Variants in GRIA4 observed in about 807,000 individuals in gnomAD.
GRIA4 encodes the protein glutamate receptor 4.
Under a neutral mutation model 104.0 loss-of-function variants are expected in GRIA4, and 34 were observed. That is an observed-to-expected ratio of 0.33 (90% CI 0.25 to 0.44). The LOEUF (loss-of-function observed/expected upper bound fraction) is 0.44, where lower values mean the gene tolerates loss of function less well. Ranked by LOEUF, GRIA4 falls within the 20% of genes least tolerant of loss-of-function variation. GRIA4 has a pLI of 1.00. For missense variants in GRIA4, 750 were observed against 1,096.5 expected, an observed-to-expected ratio of 0.68 and a Z score of 4.46; for synonymous variants, 386 against 381.9, an observed-to-expected ratio of 1.01 and a Z score of -0.13.
intron 4 of GRIA4, among the ~76,000 whole-genome samples, chr11:105,789,864 A>T (rs1326546647): frequency 6.6e-6 from 1 of 152,134 alleles, no homozygotes; most frequent in Non-Finnish European, 1.5e-5. Context: ...GCACCAAAAA[A>T]ATTGCTAAGT....
At chr11:105,868,379 C>A (rs1279499013) in intron 5 of GRIA4, among the ~76,000 whole-genome samples, 1 of 152,126 alleles carries the variant, frequency 6.6e-6, no homozygotes, top group African/African-American at 2.4e-5. Context: ...ATGTAGATTC[C>A]TTGCATTACA....
chr11:105,922,952 G>C (rs1442175309), intron 11 of GRIA4, among the ~76,000 whole-genome samples: 1 of 152,216 alleles, frequency 6.6e-6, no homozygotes, highest in Middle Eastern at 3.4e-3. Flanking sequence ...TCTGACTCTT[G>C]TATATATGGG....
At chr11:105,974,076 A>G (rs748698835) in intron 15 of GRIA4, among the ~76,000 whole-genome samples, 13 of 152,154 alleles carry the variant, frequency 8.5e-5, no homozygotes, top group Non-Finnish European at 1.5e-4. Context: ...AATGTTACTG[A>G]TTTCATTGAA....
intron 4 of GRIA4, among the ~76,000 whole-genome samples, chr11:105,796,645 T>C (rs770531224): frequency 2.2e-4 from 33 of 152,180 alleles, no homozygotes; most frequent in Non-Finnish European, 4.6e-4. Flanking sequence ...CTGTAGTTTA[T>C]TCATATGGGA....
chr11:105,814,751 G>C (rs1040911491), intron 4 of GRIA4, among the ~76,000 whole-genome samples: 3 of 152,140 alleles, frequency 2.0e-5, no homozygotes, highest in Non-Finnish European at 4.4e-5. Flanking sequence ...TAAATGCATA[G>C]CAATTAGTAT....
chr11:105,940,785 CA>C (rs990560287), intron 14 of GRIA4, among the ~76,000 whole-genome samples: 14 of 151,388 alleles, frequency 9.2e-5, no homozygotes, highest in Non-Finnish European at 1.8e-4. Context: ...CTAAAGATAG[CA>C]TCAATCAAGA....
chr11:105,952,130 C>T (rs17104765), intron 14 of GRIA4, among the ~76,000 whole-genome samples: 11,095 of 152,114 alleles, frequency 0.073, 535 homozygotes, highest in East Asian at 0.15. Context: ...GTTTTTATTT[C>T]GCTTACCTTT....
At chr11:105,671,215 GA>G (rs564406607) in intron 3 of GRIA4, among the ~76,000 whole-genome samples, 43 of 152,216 alleles carry the variant, frequency 2.8e-4, no homozygotes, top group Admixed American at 8.5e-4. Flanking sequence ...CCAGGTGTTA[GA>G]AAAGGGACTT....
chr11:105,631,014 C>T (rs1347864502), intron 3 of GRIA4, among the ~76,000 whole-genome samples: 1 of 152,064 alleles, frequency 6.6e-6, no homozygotes, highest in Admixed American at 6.6e-5. Flanking sequence ...TCGTCTAAAC[C>T]CCAAAGATTC....
intron 3 of GRIA4, among the ~76,000 whole-genome samples, chr11:105,700,317 T>C (rs1591099091): frequency 6.6e-6 from 1 of 152,314 alleles, no homozygotes; most frequent in East Asian, 1.9e-4. Context: ...TCCAGAATCC[T>C]ACCATATCAT....
intron 4 of GRIA4, chr11:105,843,031 T>A (rs1030028492): frequency 6.6e-6 from 1 of 152,240 alleles, no homozygotes; most frequent in Non-Finnish European, 1.5e-5. Flanking sequence ...TGACTTCCTC[T>A]AACTTTTCTC....
chr11:105,633,948 G>C (rs1951106839), intron 3 of GRIA4, among the ~76,000 whole-genome samples: 2 of 152,140 alleles, frequency 1.3e-5, no homozygotes, highest in African/African-American at 4.8e-5. Flanking sequence ...CCACTTCCCA[G>C]ATACCAAGAC....
At chr11:105,701,502 G>A (rs957355439) in intron 3 of GRIA4, among the ~76,000 whole-genome samples, 10 of 151,988 alleles carry the variant, frequency 6.6e-5, no homozygotes, top group African/African-American at 2.2e-4. Context: ...TTATTTTGAA[G>A]CACAACACAT....
intron 5 of GRIA4, among the ~76,000 whole-genome samples, chr11:105,866,743 A>G (rs1481856326): frequency 1.3e-5 from 2 of 151,778 alleles, no homozygotes; most frequent in Non-Finnish European, 2.9e-5. Context: ...CATTATGTAG[A>G]AAGTGATAAA....
At chr11:105,668,594 T>C (rs550170323) in intron 3 of GRIA4, among the ~76,000 whole-genome samples, 63 of 151,498 alleles carry the variant, frequency 4.2e-4, no homozygotes, top group Admixed American at 1.3e-3. Flanking sequence ...ATAATGACTC[T>C]ACCAGTTTAT....
intron 4 of GRIA4, among the ~76,000 whole-genome samples, chr11:105,848,398 A>C (rs998875567): frequency 6.6e-6 from 1 of 152,200 alleles, no homozygotes; most frequent in Non-Finnish European, 1.5e-5. Context: ...ACAACATTAA[A>C]ATATAGTTTA....
chr11:105,731,536 A>G (rs1938586816), intron 3 of GRIA4, among the ~76,000 whole-genome samples: 1 of 152,230 alleles, frequency 6.6e-6, no homozygotes, highest in Middle Eastern at 3.2e-3. Context: ...GTATATACCC[A>G]AAGGATTATA....
chr11:105,919,046 G>A lies in GRIA4; in HGVS notation c.1476+128G>A, dbSNP rs1174143174. The A allele has an allele frequency of 4.8e-6, 3 of 619,548 alleles. No individual in the cohort carries two copies. The African/African-American group carries it at 5.5e-5, about 11-fold the overall frequency. 38.4% of individuals were successfully genotyped at this position (619,548 alleles called of 1,614,324 possible). ...AGCAACATTCCAAGAGGCACATACAGTGTTTAAATCTTTCTCTATTTTATT... is the reference window on the plus strand; with the variant it reads ...AGCAACATTCCAAGAGGCACATACAATGTTTAAATCTTTCTCTATTTTATT... On this transcript the variant is annotated intron_variant, in intron 11 of 16. Coordinates refer to ENST00000282499, the MANE Select transcript of GRIA4 (RefSeq NM_000829.4).
chr11:105,975,495 A>T lies in GRIA4; in HGVS notation c.2544+1051A>T, dbSNP rs532152280. Among the ~76,000 whole-genome samples the T allele has an allele frequency of 7.9e-5, 12 of 152,248 alleles. No individual in the cohort carries two copies. In the South Asian group the frequency reaches 2.5e-3, roughly 32 times the overall value. ...GATTTAAAAAAAAATCTAAATGTCC[A>T]CTTCTTTCCTCTAGTAATAGGAAGT... On this transcript the variant is annotated intron_variant, in intron 16 of 16. Coordinates refer to ENST00000282499, the MANE Select transcript of GRIA4 (RefSeq NM_000829.4).
Sources: allele counts gnomAD v4.1 joint callset (sites outside exome capture counted in the v4.1 genomes callset), GRCh38; gene constraint gnomAD v4.1.1; transcripts MANE v1.5; gene names NCBI Gene and HGNC (gene_info 2026-07-23, HGNC 2026-07-21).